PPP3R1: variants seen among roughly 807,000 people sequenced by gnomAD.
The protein encoded by PPP3R1 is protein phosphatase 3 regulatory subunit B, alpha, also known as calcineurin subunit B type 1.
Under a neutral mutation model 22.6 loss-of-function variants are expected in PPP3R1, and 5 were observed. That is an observed-to-expected ratio of 0.22 (90% CI 0.12 to 0.46). The LOEUF is 0.46. Ranked by LOEUF, PPP3R1 falls within the 20% of genes least tolerant of loss-of-function variation. PPP3R1 has a pLI of 0.99. For synonymous variants in PPP3R1, 56 were observed against 65.2 expected (o/e 0.86, Z 0.68); for missense variants, 61 against 203.2 (o/e 0.30, Z 4.25).
intron 2 of PPP3R1, among the ~76,000 whole-genome samples, chr2:68,205,445 T>C (rs914180466): frequency 6.6e-6 from 1 of 152,078 alleles, no homozygotes. Context: ...GGTTTCACCA[T>C]GTCAGTCAGG....
rs1490094797 is a variant in PPP3R1, at chr2:68,179,506, T to C, written c.*1457A>G. The stretch of plus-strand genomic sequence containing the variant: ...GCAGGCAGGTGTGCTCAATTTCAGA[T>C]TGATTCACCTTGATTCAACCTGCCC... On this transcript the variant is annotated 3_prime_UTR_variant, in exon 6 of 6. Transcript: ENST00000234310. 1 of 152,320 alleles carries C rather than the reference T, an allele frequency of 6.6e-6. No homozygotes were observed. The highest frequency in any genetic ancestry group is 1.5e-5 in the Non-Finnish European group (1 of 68,036). The allele number at this position is 152,320 out of a possible 1,614,324, so 9.4% of individuals were successfully genotyped here.
At position 68,181,045 on chromosome 2, in the gene PPP3R1, G is replaced by A. The variant is rs1467924837; in HGVS notation, c.466-35C>T. On this transcript the variant is annotated intron_variant, in intron 5 of 5. Transcript: ENST00000234310. ...ACAGGAACAAATCAAGCTTCACAGT[G>A]TCTGAGAAACTCCTCATTCGTGGTC... The A allele has an allele frequency of 2.8e-5, 44 of 1,591,420 alleles. 1 individual carries two copies. Among genetic ancestry groups the A allele is most frequent in the Non-Finnish European group, 2.9e-5 (34 of 1,159,720 alleles).
At chr2:68,212,418 A>T (rs1669504212) in intron 2 of PPP3R1, among the ~76,000 whole-genome samples, 1 of 152,196 alleles carries the variant, frequency 6.6e-6, no homozygotes, top group African/African-American at 2.4e-5. Context: ...GCCCAGGTCC[A>T]TCAGAGGAAT....
In PPP3R1 at chr2:68,239,895, G is replaced by T. The variant is rs773494982; in HGVS notation, c.3+12230C>A. 2.6e-5 allele frequency among the ~76,000 whole-genome samples: 4 copies of T among 152,026 alleles called. No homozygotes were observed. The South Asian group carries it at 8.3e-4, about 32-fold the overall frequency. On this transcript the variant is annotated intron_variant, in intron 1 of 5. Transcript: ENST00000234310. ...ACACAGATGGTCGCTAACTTAAAGCGGTTGATTTTCAACTTTATGATGGTA... is the reference window on the plus strand; with the variant it reads ...ACACAGATGGTCGCTAACTTAAAGCTGTTGATTTTCAACTTTATGATGGTA...
intron 2 of PPP3R1, among the ~76,000 whole-genome samples, chr2:68,210,049 CCT>C (rs770971240): frequency 1.3e-5 from 2 of 152,124 alleles, no homozygotes; most frequent in African/African-American, 2.4e-5. Flanking sequence ...AGAAGTGACA[CCT>C]CATCTCAAGG....
chr2:68,249,179 G>C (rs912669779), intron 1 of PPP3R1, among the ~76,000 whole-genome samples: 1 of 152,132 alleles, frequency 6.6e-6, no homozygotes, highest in Non-Finnish European at 1.5e-5. Flanking sequence ...CTGACCCTTA[G>C]TCAGCTTCTT....
At chr2:68,202,015 G>A (rs532111561) in intron 2 of PPP3R1, among the ~76,000 whole-genome samples, 2 of 152,100 alleles carry the variant, frequency 1.3e-5, no homozygotes, top group Non-Finnish European at 2.9e-5. Context: ...AATTTTTCAA[G>A]AAAGAGAAAT....
intron 2 of PPP3R1, among the ~76,000 whole-genome samples, chr2:68,215,066 T>G (rs905487669): frequency 6.6e-6 from 1 of 152,016 alleles, no homozygotes; most frequent in African/African-American, 2.4e-5. Context: ...CACTTGTAAG[T>G]GGGATCTAAA....
At chr2:68,206,576 C>T (rs761912662) in intron 2 of PPP3R1, among the ~76,000 whole-genome samples, 1 of 152,176 alleles carries the variant, frequency 6.6e-6, no homozygotes, top group Non-Finnish European at 1.5e-5. Flanking sequence ...CTACACAGGT[C>T]AAAGAATTAA....
chr2:68,232,972 C>T (rs62143863), intron 1 of PPP3R1, among the ~76,000 whole-genome samples: 44,012 of 152,084 alleles, frequency 0.29, 7,669 homozygotes, highest in South Asian at 0.53. Flanking sequence ...AGCCAGGCTA[C>T]TATCTACTAT....
chr2:68,232,096 TAAAA>T (rs750643360), intron 1 of PPP3R1, among the ~76,000 whole-genome samples: 7 of 73,888 alleles, frequency 9.5e-5, no homozygotes, highest in African/African-American at 2.1e-4. Flanking sequence ...CCGTATCTAC[TAAAA>T]AAAAAAAAAT....
intron 2 of PPP3R1, among the ~76,000 whole-genome samples, chr2:68,199,667 T>C (rs1397357421): frequency 1.3e-5 from 2 of 152,224 alleles, no homozygotes; most frequent in Non-Finnish European, 2.9e-5. Context: ...ATATCATGAA[T>C]AGATATTACA....
intron 1 of PPP3R1, among the ~76,000 whole-genome samples, chr2:68,243,461 T>A (rs1396776652): frequency 1.3e-5 from 2 of 152,018 alleles, no homozygotes; most frequent in African/African-American, 4.8e-5. Context: ...AGGGTAAAAA[T>A]GAGGAATAAA....
chr2:68,182,456 C>T (rs1192863908), intron 5 of PPP3R1, among the ~76,000 whole-genome samples: 1 of 152,022 alleles, frequency 6.6e-6, no homozygotes, highest in African/African-American at 2.4e-5. Context: ...CCCTCTATCT[C>T]CTACCCTACA....
At chr2:68,226,757 G>A (rs1317554370) in intron 1 of PPP3R1, among the ~76,000 whole-genome samples, 1 of 152,094 alleles carries the variant, frequency 6.6e-6, no homozygotes, top group African/African-American at 2.4e-5. Flanking sequence ...TAGGTGCATG[G>A]TAAAAGTCTG....
intron 1 of PPP3R1, among the ~76,000 whole-genome samples, chr2:68,221,088 T>C (rs892326506): frequency 2.6e-5 from 4 of 151,908 alleles, no homozygotes; most frequent in African/African-American, 4.8e-5. Flanking sequence ...TCCCACCACA[T>C]TGGGAGGCCG....
Position 68,181,615 on chromosome 2 carries a change from C to G in PPP3R1, c.466-605G>C, listed in dbSNP as rs576206410. On this transcript the variant is annotated intron_variant, in intron 5 of 5. Coordinates refer to ENST00000234310, the MANE Select transcript of PPP3R1 (RefSeq NM_000945.4). The stretch of plus-strand genomic sequence containing the variant: ...TTTCCTTTTTTTTTTTTTTTCAAAA[C>G]AACACTTCAGGTAAAAACGATTCTT... Among the ~76,000 whole-genome samples, 167 of 117,212 alleles carry G rather than the reference C, an allele frequency of 1.4e-3. 3 individuals carry two copies. The East Asian group carries it at 0.014, about 10-fold the overall frequency. 76.9% of individuals were successfully genotyped at this position (117,212 alleles called of 152,430 possible).
intron 1 of PPP3R1, among the ~76,000 whole-genome samples, chr2:68,244,905 A>C (rs1572979726): frequency 1.3e-5 from 2 of 152,248 alleles, no homozygotes; most frequent in East Asian, 3.8e-4. Flanking sequence ...GACAAAGACA[A>C]GGCTTCTGCA....
intron 1 of PPP3R1, among the ~76,000 whole-genome samples, chr2:68,249,542 T>A (rs1192472803): frequency 6.6e-6 from 1 of 152,178 alleles, no homozygotes; most frequent in Admixed American, 6.5e-5. Flanking sequence ...CATTTAAGTA[T>A]CCAGAACAAA....
Sources: allele counts gnomAD v4.1 joint callset (sites outside exome capture counted in the v4.1 genomes callset), GRCh38; gene constraint gnomAD v4.1.1; transcripts MANE v1.5; gene names NCBI Gene and HGNC (gene_info 2026-07-23, HGNC 2026-07-21).